Variants in PLCB1 observed in about 807,000 individuals in gnomAD.
PLCB1 encodes the protein 1-phosphatidylinositol 4,5-bisphosphate phosphodiesterase beta-1.
Under a neutral mutation model 161.8 loss-of-function variants are expected in PLCB1, and 46 were observed. The ratio of observed to expected loss-of-function variants is 0.28; its 90% CI spans 0.22 to 0.36. The LOEUF (loss-of-function observed/expected upper bound fraction) is 0.36, where lower values mean the gene tolerates loss of function less well. Among genes scored for constraint, PLCB1 ranks in the 10% least tolerant of loss-of-function variants. PLCB1 has a pLI of 1.00. For missense variants in PLCB1, 1,016 were observed against 1,472.5 expected (o/e 0.69, Z 5.07); for synonymous variants, 517 against 503.7 (o/e 1.03, Z -0.35).
intron 3 of PLCB1, among the ~76,000 whole-genome samples, chr20:8,552,752 A>C (rs1985815466): frequency 6.6e-6 from 1 of 152,134 alleles, no homozygotes; most frequent in Non-Finnish European, 1.5e-5. Flanking sequence ...TGTGGATTAA[A>C]TTCTAGGCCC....
chr20:8,869,568 TTCA>T (rs1160163366), intron 31 of PLCB1, among the ~76,000 whole-genome samples: 1 of 152,170 alleles, frequency 6.6e-6, no homozygotes, highest in East Asian at 1.9e-4. Flanking sequence ...AACAACTCAT[TTCA>T]TGTCAAGGCC....
chr20:8,871,650 C>T (rs6086676), intron 31 of PLCB1, among the ~76,000 whole-genome samples: 28,843 of 152,100 alleles, frequency 0.19, 3,547 homozygotes, highest in Middle Eastern at 0.35. Context: ...TTCAAAATAC[C>T]ATTTATTGAC....
intron 31 of PLCB1, among the ~76,000 whole-genome samples, chr20:8,857,151 G>C (rs561830943): frequency 6.2e-4 from 95 of 152,278 alleles, no homozygotes; most frequent in Middle Eastern, 3.4e-3. Flanking sequence ...TCACTTGCTG[G>C]TGGCAGGGTT....
rs1987770168 is a variant in PLCB1 at position 8,606,773 on chromosome 20, T to A, written c.247-21521T>A. ...AGAATTTATCCTTGTTGTGATAGAT[T>A]GACAGAATTTCTCTCAAACCTTTAT... On this transcript the variant is annotated intron_variant, in intron 3 of 31. Transcript: ENST00000338037. 2.0e-5 allele frequency among the ~76,000 whole-genome samples: 3 copies of A among 152,252 alleles called. No homozygotes were observed. In the South Asian group the frequency reaches 6.2e-4, roughly 31 times the overall value.
chr20:8,276,980 CTTCTTCTTATTATTATTATTA>C (rs1268384093), intron 2 of PLCB1, among the ~76,000 whole-genome samples: 1 of 96,874 alleles, frequency 1.0e-5, no homozygotes, highest in African/African-American at 4.0e-5. Flanking sequence ...TCTTCTTCTT[CTTCTTCTTATTATTATTATTA>C]TTATTATTAT....
chr20:8,590,001 C>T (rs991751841), intron 3 of PLCB1, among the ~76,000 whole-genome samples: 1 of 152,096 alleles, frequency 6.6e-6, no homozygotes, highest in Admixed American at 6.5e-5. Context: ...AAGGCCCCTC[C>T]TCCTAATATC....
intron 3 of PLCB1, among the ~76,000 whole-genome samples, chr20:8,466,166 C>T (rs1053452540): frequency 6.6e-6 from 1 of 151,704 alleles, no homozygotes; most frequent in Non-Finnish European, 1.5e-5. Flanking sequence ...GAGTTCATGT[C>T]CTTTGTGGGG....
At chr20:8,727,488 A>ATTT in intron 17 of PLCB1, 95 bp downstream of exon 17, 1 of 725,668 alleles carries the variant, frequency 1.4e-6, no homozygotes, top group East Asian at 2.6e-5. Flanking sequence ...AAGATGCATA[A>ATTT]AATGGCTTAA....
chr20:8,548,759 AATTTTATGTTCC>A (rs963842742), intron 3 of PLCB1, among the ~76,000 whole-genome samples: 4 of 111,606 alleles, frequency 3.6e-5, no homozygotes, highest in Non-Finnish European at 8.2e-5. Flanking sequence ...GGTATTACTT[AATTTTATGTTCC>A]ATGTTCTCAA....
At chr20:8,158,048 T>A (rs1337882642) in intron 2 of PLCB1, among the ~76,000 whole-genome samples, 4 of 152,256 alleles carry the variant, frequency 2.6e-5, no homozygotes, top group Non-Finnish European at 4.4e-5. Context: ...TTAAATTGGA[T>A]ACTTTCCATG....
At chr20:8,754,837 A>C (rs535256883) in intron 23 of PLCB1, among the ~76,000 whole-genome samples, 1 of 152,342 alleles carries the variant, frequency 6.6e-6, no homozygotes, top group African/African-American at 2.4e-5. Flanking sequence ...TGGTTGAGCC[A>C]AAGAAAATGC....
At chr20:8,656,790 GAA>G (rs11314543) in intron 7 of PLCB1, among the ~76,000 whole-genome samples, 67 of 142,692 alleles carry the variant, frequency 4.7e-4, no homozygotes, top group African/African-American at 1.4e-3. Context: ...ATTCAAGTAG[GAA>G]AAAAAAAAAA....
intron 31 of PLCB1, among the ~76,000 whole-genome samples, chr20:8,807,899 C>T (rs1042925553): frequency 4.0e-5 from 6 of 151,872 alleles, no homozygotes; most frequent in Non-Finnish European, 8.8e-5. Context: ...TGTAATCCAC[C>T]GTTGTGTCAA....
At chr20:8,317,867 A>G (rs1004098952) in intron 2 of PLCB1, among the ~76,000 whole-genome samples, 7 of 152,288 alleles carry the variant, frequency 4.6e-5, no homozygotes, top group Admixed American at 4.6e-4. Context: ...CAATTATTAA[A>G]TAACCCATTC....
intron 3 of PLCB1, among the ~76,000 whole-genome samples, chr20:8,464,446 CT>C (rs1981722910): frequency 6.6e-6 from 1 of 152,156 alleles, no homozygotes; most frequent in African/African-American, 2.4e-5. Context: ...TGATTCCAAC[CT>C]AGCTGTCTCA....
At chr20:8,439,885 G>T (rs1213865130) in intron 3 of PLCB1, among the ~76,000 whole-genome samples, 1 of 151,582 alleles carries the variant, frequency 6.6e-6, no homozygotes, top group Middle Eastern at 3.4e-3. Context: ...GTCATCCCTT[G>T]CCCTCTTTTG....
At chr20:8,286,468 A>T (rs1983128575) in intron 2 of PLCB1, among the ~76,000 whole-genome samples, 2 of 152,212 alleles carry the variant, frequency 1.3e-5, no homozygotes, top group Admixed American at 6.5e-5. Flanking sequence ...AAATTATTTT[A>T]TATTACTATT....
Position 8,881,328 on chromosome 20 carries a change from CGTGTGTGTGTGT to C in PLCB1, c.3424-274_3424-263del, listed in dbSNP as rs3222517. Among the ~76,000 whole-genome samples, 221 of 128,980 alleles carry C rather than the reference CGTGTGTGTGTGT, an allele frequency of 1.7e-3. 1 individual carries two copies. Among genetic ancestry groups the C allele is most frequent in the African/African-American group, 5.4e-3 (208 of 38,802 alleles). 84.6% of individuals were successfully genotyped at this position (128,980 alleles called of 152,430 possible). On this transcript the variant is annotated intron_variant, in intron 31 of 31. Transcript: ENST00000338037. Reference sequence around the variant, plus strand: ...ACTCTGACACCTTTTTCAAAAGACCCGTGTGTGTGTGTGTGTGTGTGTGTGTGTGTGCATTTG... The same window carrying C: ...ACTCTGACACCTTTTTCAAAAGACCCGTGTGTGTGTGTGTGTGTGCATTTG...
At chr20:8,621,179 G>A (rs1988173950) in intron 3 of PLCB1, among the ~76,000 whole-genome samples, 2 of 152,228 alleles carry the variant, frequency 1.3e-5, no homozygotes, top group South Asian at 2.1e-4. Context: ...GCTTTGTCGG[G>A]GGTTTAAACA....
Sources: allele counts gnomAD v4.1 joint callset (sites outside exome capture counted in the v4.1 genomes callset), GRCh38; gene constraint gnomAD v4.1.1; transcripts MANE v1.5; gene names NCBI Gene and HGNC (gene_info 2026-07-23, HGNC 2026-07-21).